The following ATXN2 variants were observed in gnomAD, a reference collection of about 807,000 sequenced individuals.
ATXN2 encodes ataxin-2.
Under a neutral mutation model 138.6 loss-of-function variants are expected in ATXN2, and 37 were observed. The observed-to-expected ratio is 0.27, with a 90% CI of 0.21 to 0.35. The LOEUF is 0.35. Among genes scored for constraint, ATXN2 ranks in the 10% least tolerant of loss-of-function variants. The pLI is 1.00. For missense variants in ATXN2, 1,216 were observed against 1,480.3 expected (o/e 0.82, Z 2.93); for synonymous variants, 549 against 543.7 (o/e 1.01, Z -0.13).
chr12:111,546,920 G>A (rs948843371), intron 5 of ATXN2, among the ~76,000 whole-genome samples: 4 of 152,172 alleles, frequency 2.6e-5, no homozygotes, highest in African/African-American at 9.7e-5. Flanking sequence ...CTCATATGAC[G>A]TAAAGGTACT....
At chr12:111,535,163 T>C (rs911253039) in intron 5 of ATXN2, among the ~76,000 whole-genome samples, 1 of 152,022 alleles carries the variant, frequency 6.6e-6, no homozygotes, top group African/African-American at 2.4e-5. Context: ...TAATTTAAAA[T>C]GTAAAGTTTA....
Position 111,599,284 on chromosome 12 carries a change from A to G in ATXN2, c.-250T>C, listed in dbSNP as rs1269477208. ...CGCCGCCGCCGTTGCCGTTGCTACC[A>G]AAACAGTCTGAGGCGGAGGGAGGCG... On this transcript the variant is annotated 5_prime_UTR_variant, in exon 1 of 25. Transcript: ENST00000673436. 1.7e-6 allele frequency: 2 copies of G among 1,172,920 alleles called. No homozygotes were observed. Among genetic ancestry groups the G allele is most frequent in the Non-Finnish European group, 1.0e-6 (1 of 955,130 alleles). The allele number at this position is 1,172,920 out of a possible 1,614,324, so 72.7% of individuals were successfully genotyped here.
At chr12:111,553,375 CACTT>C (rs1882217840) in intron 3 of ATXN2, among the ~76,000 whole-genome samples, 1 of 151,942 alleles carries the variant, frequency 6.6e-6, no homozygotes, top group African/African-American at 2.4e-5. Flanking sequence ...ATACTTAAGT[CACTT>C]ACATAAAATG....
chr12:111,476,875 C>T (rs915773253), intron 18 of ATXN2, among the ~76,000 whole-genome samples: 1 of 152,030 alleles, frequency 6.6e-6, no homozygotes, highest in Non-Finnish European at 1.5e-5. Flanking sequence ...ATTCAAAGAA[C>T]GCAGAATAAG....
In ATXN2 at chr12:111,598,153, G is replaced by A. The variant is rs1478019053; in HGVS notation, c.251+631C>T. 4 of 1,105,990 alleles carry A rather than the reference G, an allele frequency of 3.6e-6. No individual in the cohort carries two copies. Among genetic ancestry groups the A allele is most frequent in the South Asian group, 2.3e-5 (1 of 44,434 alleles). The allele number at this position is 1,105,990 out of a possible 1,614,324, so 68.5% of individuals were successfully genotyped here. A position where few individuals can be genotyped will look rare whatever the true frequency, so the allele number is the denominator to read the frequency against. On this transcript the variant is annotated intron_variant, in intron 1 of 24. Coordinates refer to ENST00000673436, the MANE Select transcript of ATXN2 (RefSeq NM_001372574.1). The surrounding 1 kb of genome is among the most constrained non-coding windows in gnomAD (Gnocchi z 4.5). ...CCGCCGCCTCGGACACGAACGCAGAGGGGTGCGGGGGCCAAGGCCCACTTG... is the reference window on the plus strand; with the variant it reads ...CCGCCGCCTCGGACACGAACGCAGAAGGGTGCGGGGGCCAAGGCCCACTTG...
At chr12:111,491,210 G>A (rs114688069) in intron 14 of ATXN2, among the ~76,000 whole-genome samples, 1,782 of 152,146 alleles carry the variant, frequency 0.012, 38 homozygotes, top group African/African-American at 0.041. Context: ...CTGAGATTGC[G>A]TCACTATACT....
chr12:111,573,355 G>A (rs1280165545), intron 1 of ATXN2, among the ~76,000 whole-genome samples: 7 of 152,002 alleles, frequency 4.6e-5, no homozygotes, highest in African/African-American at 1.7e-4. Context: ...CACCACGCCT[G>A]GCTAACTTTT....
chr12:111,588,991 C>CAAAAAAAAAAAAAAAAAA (rs58116265), intron 1 of ATXN2, among the ~76,000 whole-genome samples: 2 of 38,708 alleles, frequency 5.2e-5, no homozygotes, highest in Admixed American at 5.4e-4. Context: ...CGAGATTTCT[C>CAAAAAAAAAAAAAAAAAA]AAAAAAAAAA....
chr12:111,535,860 C>G (rs908249401), intron 5 of ATXN2, among the ~76,000 whole-genome samples: 2 of 151,240 alleles, frequency 1.3e-5, no homozygotes, highest in African/African-American at 4.9e-5. Context: ...ATTAGCCGGG[C>G]GTAGTGGCGG....
At chr12:111,462,705 A>T (rs527757773) in intron 21 of ATXN2, among the ~76,000 whole-genome samples, 1 of 152,138 alleles carries the variant, frequency 6.6e-6, no homozygotes, top group East Asian at 1.9e-4. Context: ...GGTGTTAATG[A>T]TTAAGGACCT....
At position 111,456,154 on chromosome 12, in the gene ATXN2, G is replaced by A. The variant is rs372267174; in HGVS notation, c.3145C>T (p.Pro1049Ser). 6 of 1,614,136 alleles carry A rather than the reference G, an allele frequency of 3.7e-6. No homozygotes were observed. Among genetic ancestry groups the A allele is most frequent in the African/African-American group, 1.3e-5 (1 of 74,932 alleles). The change falls in exon 23 of 25, where the codon CCT becomes TCT. Residue 1049 changes from proline (P) to serine (S), a missense_variant. Physicochemically the swap from Pro to Ser is moderately conservative, Grantham distance 74. This residue lies in a region of ATXN2 where 490 missense variants were observed against 653.5 expected (regional missense o/e 0.75). Transcript: ENST00000673436. Reference protein sequence around the residue: ...GLAPTPPSMTPASNTQSPQNS... With the variant: ...GLAPTPPSMTSASNTQSPQNS... ...TGTGGCGACTGCGTGTTGGAGGCAGGTGTCATGGAGGGTGGAGTTGGCGCA... is the reference window on the plus strand; with the variant it reads ...TGTGGCGACTGCGTGTTGGAGGCAGATGTCATGGAGGGTGGAGTTGGCGCA...
intron 14 of ATXN2, among the ~76,000 whole-genome samples, chr12:111,498,206 G>A (rs1038477125): frequency 9.2e-5 from 14 of 152,044 alleles, no homozygotes; most frequent in South Asian, 2.1e-4. Context: ...CATAATACTC[G>A]GAAGTCCTAA....
chr12:111,540,698 T>C (rs1286613743), intron 5 of ATXN2, among the ~76,000 whole-genome samples: 2 of 117,292 alleles, frequency 1.7e-5, no homozygotes. Flanking sequence ...GTCTAAGTCT[T>C]TTTTTTTTTT....
At chr12:111,599,323 G>T, upstream of ATXN2, 1 of 1,175,186 alleles carries the variant, frequency 8.5e-7, no homozygotes, top group South Asian at 4.1e-5. Flanking sequence ...TCTGCCGGGA[G>T]GGAGGGGGGC....
intron 3 of ATXN2, 63 bp from the exon 4 acceptor site, chr12:111,553,040 T>C: frequency 8.7e-7 from 1 of 1,149,504 alleles, no homozygotes; most frequent in South Asian, 1.7e-5. Flanking sequence ...GGGATATTTG[T>C]TTTCATTTTA....
intron 1 of ATXN2, among the ~76,000 whole-genome samples, chr12:111,592,830 C>T (rs1939349311): frequency 8.0e-6 from 1 of 125,366 alleles, no homozygotes; most frequent in African/African-American, 2.9e-5. Flanking sequence ...TGTTAATAAA[C>T]TGTTTACATC....
At chr12:111,503,495 C>T (rs1249212513) in intron 14 of ATXN2, among the ~76,000 whole-genome samples, 1 of 151,996 alleles carries the variant, frequency 6.6e-6, no homozygotes, top group Non-Finnish European at 1.5e-5. Flanking sequence ...CGCAATAAAA[C>T]ATAAGAGAAT....
chr12:111,469,371 CATTTT>C (rs1780224582), intron 20 of ATXN2: 1 of 152,120 alleles, frequency 6.6e-6, no homozygotes, highest in African/African-American at 2.4e-5. Flanking sequence ...TACAAATGGA[CATTTT>C]ATTTTAAATT....
In ATXN2 at chr12:111,516,481, G is replaced by T; in HGVS notation, c.1166-118C>A. 1 of 957,004 alleles carries T rather than the reference G, an allele frequency of 1.0e-6. No individual in the cohort carries two copies. The highest frequency in any genetic ancestry group is 1.5e-6 in the Non-Finnish European group (1 of 650,766). 59.3% of individuals were successfully genotyped at this position (957,004 alleles called of 1,614,324 possible). On this transcript the variant is annotated intron_variant, in intron 9 of 24. Transcript: ENST00000673436. The surrounding 1 kb of genome is among the most constrained non-coding windows in gnomAD (Gnocchi z 5.0). Reference sequence around the variant, plus strand: ...GATTTCTTGTACATTTTAACCCTTTGAGGACAGTCATTTGATTTGTGATAA... The same window carrying T: ...GATTTCTTGTACATTTTAACCCTTTTAGGACAGTCATTTGATTTGTGATAA...
Sources: allele counts gnomAD v4.1 joint callset (sites outside exome capture counted in the v4.1 genomes callset), GRCh38; gene constraint gnomAD v4.1.1; regional missense constraint gnomAD v4.1.1; non-coding constraint Gnocchi (gnomAD v3.1); transcripts MANE v1.5; gene names NCBI Gene and HGNC (gene_info 2026-07-23, HGNC 2026-07-21).